TAF4: variants seen among roughly 807,000 people sequenced by gnomAD.
TAF4 encodes transcription initiation factor TFIID subunit 4.
Under a neutral mutation model 90.3 loss-of-function variants are expected in TAF4, and 9 were observed. The ratio of observed to expected loss-of-function variants is 0.10; its 90% CI spans 0.06 to 0.17. The LOEUF (loss-of-function observed/expected upper bound fraction) is 0.17. Among genes scored for constraint, TAF4 ranks in the 10% least tolerant of loss-of-function variants. TAF4 has a pLI of 1.00. For synonymous variants in TAF4, 818 were observed against 638.9 expected, an observed-to-expected ratio of 1.28 and a Z score of -4.23; for missense variants, 1,351 against 1,370.7, an observed-to-expected ratio of 0.99 and a Z score of 0.23.
At chr20:62,027,439 C>T (rs1474180110) in intron 1 of TAF4, among the ~76,000 whole-genome samples, 2 of 152,168 alleles carry the variant, frequency 1.3e-5, no homozygotes, top group Non-Finnish European at 2.9e-5. Flanking sequence ...GTCTGTCTCC[C>T]CCCTCAACGC....
intron 1 of TAF4, among the ~76,000 whole-genome samples, chr20:62,059,067 C>T (rs2056075937): frequency 6.6e-6 from 1 of 152,256 alleles, no homozygotes; most frequent in Admixed American, 6.5e-5. Flanking sequence ...TCCCAACAAA[C>T]AATTTCTCCT....
intron 1 of TAF4, among the ~76,000 whole-genome samples, chr20:62,026,494 TC>T (rs969468679): frequency 2.7e-4 from 41 of 152,068 alleles, no homozygotes; most frequent in Admixed American, 9.2e-4. Context: ...GGAAAAGGGA[TC>T]CCCCAAAATG....
In TAF4 at chr20:61,988,621, G is replaced by A. The variant is rs28382126; in HGVS notation, c.3090+8929C>T. Among the ~76,000 whole-genome samples, 717 of 152,350 alleles carry A rather than the reference G, an allele frequency of 4.7e-3. 4 individuals carry two copies. Among genetic ancestry groups the A allele is most frequent in the Non-Finnish European group, 7.7e-3 (523 of 68,034 alleles). On this transcript the variant is annotated intron_variant, in intron 14 of 14. Coordinates refer to ENST00000252996, the MANE Select transcript of TAF4 (RefSeq NM_003185.4). The stretch of plus-strand genomic sequence containing the variant: ...AGCATCATCTTTGATGAAGAAAGGT[G>A]TCTGAAGGACTTTTACTTTCTGGGT...
chr20:62,037,634 T>A (rs1046641730), intron 1 of TAF4: 1 of 158,944 alleles, frequency 6.3e-6, no homozygotes, highest in African/African-American at 2.4e-5. Context: ...AGAGCCTACA[T>A]CTACACCCTC....
intron 1 of TAF4, among the ~76,000 whole-genome samples, chr20:62,033,155 A>C (rs1384875031): frequency 3.3e-5 from 5 of 152,192 alleles, no homozygotes; most frequent in Non-Finnish European, 7.3e-5. Context: ...GCCACAGATG[A>C]GATCCCTCAG....
chr20:62,053,359 GCCCTGTGACGAGCT>G (rs2056041358), intron 1 of TAF4, among the ~76,000 whole-genome samples: 1 of 152,186 alleles, frequency 6.6e-6, no homozygotes, highest in African/African-American at 2.4e-5. Context: ...CCCTCGCACT[GCCCTGTGACGAGCT>G]CCCGGCCCAG....
intron 2 of TAF4, among the ~76,000 whole-genome samples, chr20:62,014,022 GTGTGTGTGTGTGTGTGTGTGTGTA>G (rs1275100347): frequency 9.0e-5 from 8 of 88,552 alleles, no homozygotes; most frequent in Admixed American, 4.3e-4. Context: ...GGGTGTGGGT[GTGTGTGTGTGTGTGTGTGTGTGTA>G]TGTGTGTGTG....
chr20:61,995,507 C>T (rs1245699894), intron 14 of TAF4, among the ~76,000 whole-genome samples: 1 of 152,142 alleles, frequency 6.6e-6, no homozygotes, highest in Non-Finnish European at 1.5e-5. Flanking sequence ...TGCAGGGCAG[C>T]ATCAACAGGT....
intron 14 of TAF4, chr20:61,981,511 G>T (rs191929559): frequency 6.6e-6 from 1 of 152,226 alleles, no homozygotes; most frequent in Admixed American, 6.5e-5. Flanking sequence ...AGTAATGGAA[G>T]GAAGAGACAA....
At chr20:61,978,580 CGGGGGCGAGACCAACCAAAGGA>C (rs1385485268) in intron 14 of TAF4, among the ~76,000 whole-genome samples, 5 of 128,266 alleles carry the variant, frequency 3.9e-5, no homozygotes, top group African/African-American at 8.9e-5. Flanking sequence ...CAACCAAGGC[CGGGGGCGAGACCAACCAAAGGA>C]GGGGGCGAGA....
chr20:62,064,735 TGCGCCGCCGGGG>T lies in TAF4; in HGVS notation c.1064_1075del (p.Pro355_Ala358del), dbSNP rs554195654. 4,397 of 1,196,258 alleles carry T rather than the reference TGCGCCGCCGGGG, an allele frequency of 3.7e-3. 178 individuals carry two copies. The Admixed American group carries it at 0.085, about 23-fold the overall frequency. The allele number at this position is 1,196,258 out of a possible 1,614,324, so 74.1% of individuals were successfully genotyped here. ...GGCCGGGCCGCTGGCCGCCAGGGTC[TGCGCCGCCGGGG>T]GCGCCGCCTGCACCACCCTCTTGGG... On this transcript the variant is annotated inframe_deletion, in exon 1 of 15. Transcript: ENST00000252996.
rs2055493588 is a variant in TAF4 at position 61,976,174 on chromosome 20, A to T, written c.3252T>A (p.Leu1084=). ...CCCCAGGCGTCCTCCTGTGTCACTT[A>T]AGGAATGCTTTGTAGAGCAGCAGTG... The part of the protein sequence containing the change: ...SHSLLLYKAF[L]K Residue 1084 remains leucine (L), a synonymous_variant, in exon 15 of 15, where the codon CTT becomes CTA. Coordinates refer to ENST00000252996, the MANE Select transcript of TAF4 (RefSeq NM_003185.4). The T allele has an allele frequency of 6.2e-7, 1 of 1,613,872 alleles. No homozygotes were observed. Among genetic ancestry groups the T allele is most frequent in the African/African-American group, 1.3e-5 (1 of 74,942 alleles).
intron 14 of TAF4, among the ~76,000 whole-genome samples, chr20:61,982,817 C>T (rs1409760855): frequency 1.3e-5 from 2 of 152,178 alleles, no homozygotes; most frequent in Non-Finnish European, 1.5e-5. Flanking sequence ...GCAGGGCTGC[C>T]GGGGAGGAAG....
intron 9 of TAF4, 134 bp downstream of exon 9, chr20:62,003,026 G>T: frequency 1.6e-6 from 1 of 643,618 alleles, no homozygotes; most frequent in Non-Finnish European, 2.7e-6. Flanking sequence ...AAGTGAGCGT[G>T]AAGCAGGAGC....
intron 1 of TAF4, among the ~76,000 whole-genome samples, chr20:62,034,491 AT>A (rs903385067): frequency 3.3e-5 from 5 of 150,978 alleles, no homozygotes; most frequent in African/African-American, 1.2e-4. Context: ...ACCTGGCTAA[AT>A]TTTTTTTTAA....
intron 3 of TAF4, among the ~76,000 whole-genome samples, chr20:62,011,411 CTAAGTA>C (rs1487899594): frequency 6.6e-6 from 1 of 152,204 alleles, no homozygotes; most frequent in East Asian, 1.9e-4. Context: ...GTGTCTGCCA[CTAAGTA>C]TAATGCAAAA....
chr20:62,044,014 C>T, intron 1 of TAF4, among the ~76,000 whole-genome samples: 1 of 152,230 alleles, frequency 6.6e-6, no homozygotes. Flanking sequence ...CCCTGCCTGG[C>T]CTTCCCTTAA....
intron 1 of TAF4, among the ~76,000 whole-genome samples, chr20:62,041,952 C>T (rs2145503480): frequency 6.6e-6 from 1 of 151,874 alleles, no homozygotes; most frequent in East Asian, 1.9e-4. Context: ...AATTCTGTAG[C>T]ATACAGAATA....
In TAF4 at chr20:62,010,348, C is replaced by T. The variant is rs1176205854; in HGVS notation, c.1642-183G>A. Among the ~76,000 whole-genome samples, 2 of 152,176 alleles carry T rather than the reference C, an allele frequency of 1.3e-5. No individual in the cohort carries two copies. Among genetic ancestry groups the T allele is most frequent in the Non-Finnish European group, 2.9e-5 (2 of 68,026 alleles). ...CGGGAGTGCTGCTGGGAGGCCTGCC[C>T]TGTGCCCTGACGATCGCAGTCCTGA... On this transcript the variant is annotated intron_variant, in intron 3 of 14. Coordinates refer to ENST00000252996, the MANE Select transcript of TAF4 (RefSeq NM_003185.4). The surrounding 1 kb of genome is among the most constrained non-coding windows in gnomAD (Gnocchi z 4.5).
Sources: allele counts gnomAD v4.1 joint callset (sites outside exome capture counted in the v4.1 genomes callset), GRCh38; gene constraint gnomAD v4.1.1; non-coding constraint Gnocchi (gnomAD v3.1); transcripts MANE v1.5; gene names NCBI Gene and HGNC (gene_info 2026-07-23, HGNC 2026-07-21).